The following PRKG1 variants were observed in gnomAD, a reference collection of about 807,000 sequenced individuals.
The protein encoded by PRKG1 is protein kinase cGMP-dependent 1, also known as cGMP-dependent protein kinase 1.
A neutral mutation model predicts 88.1 loss-of-function variants in PRKG1; 35 were observed. The observed-to-expected ratio is 0.40, with a 90% CI of 0.30 to 0.53. The LOEUF is 0.53. Among genes scored for constraint, PRKG1 ranks in the 20% least tolerant of loss-of-function variants. The pLI, the probability that PRKG1 is intolerant of heterozygous loss-of-function variation, is 0.59. For missense variants in PRKG1, 540 were observed against 839.8 expected (o/e 0.64, Z 4.41); for synonymous variants, 303 against 292.5 (o/e 1.04, Z -0.37).
chr10:51,929,702 G>A (rs1473165806), intron 5 of PRKG1, among the ~76,000 whole-genome samples: 2 of 152,084 alleles, frequency 1.3e-5, no homozygotes, highest in Non-Finnish European at 2.9e-5. Flanking sequence ...CTAAAGCTGT[G>A]TTTCTCAGGT....
At chr10:51,601,813 C>T (rs1017541932) in intron 3 of PRKG1, among the ~76,000 whole-genome samples, 4 of 113,736 alleles carry the variant, frequency 3.5e-5, no homozygotes, top group African/African-American at 6.7e-5. Flanking sequence ...TTTGGGTGAT[C>T]TAATCTGATC....
intron 17 of PRKG1, among the ~76,000 whole-genome samples, chr10:52,290,551 G>A (rs997838597): frequency 2.6e-5 from 4 of 152,056 alleles, no homozygotes; most frequent in African/African-American, 9.7e-5. Flanking sequence ...ATGAACATAA[G>A]TTAATTTTTA....
chr10:51,812,986 C>G (rs1428845049), intron 4 of PRKG1, among the ~76,000 whole-genome samples: 2 of 152,186 alleles, frequency 1.3e-5, no homozygotes, highest in Non-Finnish European at 2.9e-5. Context: ...TGCAAAACTT[C>G]TTGAAACACC....
intron 1 of PRKG1, among the ~76,000 whole-genome samples, chr10:51,053,770 T>A (rs1589125074): frequency 3.3e-5 from 2 of 60,644 alleles, no homozygotes; most frequent in South Asian, 5.9e-4. Flanking sequence ...TAGTTATGGG[T>A]TTTTTTTGTT....
rs758956714 is a variant in PRKG1, at chr10:52,266,414, C to G, written c.1174-4936C>G. Among the ~76,000 whole-genome samples, 3 of 152,014 alleles carry G rather than the reference C, an allele frequency of 2.0e-5. No individual in the cohort carries two copies. In the East Asian group the frequency reaches 5.9e-4, roughly 30 times the overall value. On this transcript the variant is annotated intron_variant, in intron 10 of 17. Transcript: ENST00000373980. Reference sequence around the variant, plus strand: ...GACCCCAGTGTGTGTTGTTCCTCCCCCTGTGTCCATGTGCTCACATTATTC... The same window carrying G: ...GACCCCAGTGTGTGTTGTTCCTCCCGCTGTGTCCATGTGCTCACATTATTC...
intron 4 of PRKG1, among the ~76,000 whole-genome samples, chr10:51,900,952 A>T (rs750865697): frequency 6.6e-6 from 1 of 152,170 alleles, no homozygotes; most frequent in East Asian, 1.9e-4. Flanking sequence ...AATTTAATAA[A>T]ATTAATAACT....
At chr10:52,274,264 C>A (rs1447062991) in intron 12 of PRKG1, among the ~76,000 whole-genome samples, 2 of 152,082 alleles carry the variant, frequency 1.3e-5, no homozygotes. Context: ...AGTCTTCTAT[C>A]CCTCACCCCC....
Position 51,174,210 on chromosome 10 carries a change from T to A in PRKG1, c.478+20880T>A, listed in dbSNP as rs1053139483. Among the ~76,000 whole-genome samples the A allele has an allele frequency of 4.1e-4, 63 of 151,930 alleles. 3 individuals carry two copies. Among genetic ancestry groups the A allele is most frequent in the Non-Finnish European group, 1.5e-5 (1 of 67,840 alleles). The stretch of plus-strand genomic sequence containing the variant: ...CTATAAGAATATATATTTTTTCAAT[T>A]AAGAAAAGAATAAGCCTTTGTTATT... On this transcript the variant is annotated intron_variant, in intron 2 of 17. Transcript: ENST00000373980.
intron 9 of PRKG1, among the ~76,000 whole-genome samples, chr10:52,239,232 T>G (rs1840780007): frequency 2.2e-5 from 3 of 134,886 alleles, no homozygotes; most frequent in South Asian, 2.6e-4. Context: ...GATGACAAGT[T>G]AGTGGGTGCA....
Position 51,017,104 on chromosome 10 carries a change from T to A in PRKG1, c.266+25460T>A, listed in dbSNP as rs985164909. 6.6e-5 allele frequency among the ~76,000 whole-genome samples: 10 copies of A among 151,994 alleles called. No individual in the cohort carries two copies. The East Asian group carries it at 1.7e-3, about 26-fold the overall frequency. On this transcript the variant is annotated intron_variant, in intron 1 of 17. Coordinates refer to the PRKG1 transcript ENST00000401604. ...TCCCCAGTCCCCAGCCAATCCCGACTAAATTATTCTTTCTGCTGTTTAGGA... is the reference window on the plus strand; with the variant it reads ...TCCCCAGTCCCCAGCCAATCCCGACAAAATTATTCTTTCTGCTGTTTAGGA...
chr10:52,084,840 A>T (rs1051587693), intron 7 of PRKG1, among the ~76,000 whole-genome samples: 1 of 151,982 alleles, frequency 6.6e-6, no homozygotes, highest in African/African-American at 2.4e-5. Context: ...CCAGTCCAGG[A>T]TCAAATATTA....
At chr10:52,205,170 G>A (rs750239150) in intron 9 of PRKG1, among the ~76,000 whole-genome samples, 25 of 152,122 alleles carry the variant, frequency 1.6e-4, no homozygotes, top group Admixed American at 4.6e-4. Flanking sequence ...CTGACAATGC[G>A]TGCACAGCAG....
chr10:51,112,378 C>T (rs957320800), intron 1 of PRKG1, among the ~76,000 whole-genome samples: 1 of 151,954 alleles, frequency 6.6e-6, no homozygotes, highest in East Asian at 1.9e-4. Context: ...TAGTATATGC[C>T]GCTTTTTCTA....
Position 51,957,855 on chromosome 10 carries a change from A to G in PRKG1, c.762+50285A>G, listed in dbSNP as rs146917151. On this transcript the variant is annotated intron_variant, in intron 5 of 17. Transcript: ENST00000373980. The stretch of plus-strand genomic sequence containing the variant: ...CATATAGTTGTTGTTACACATTTAT[A>G]TTTCCATTAGTCTGTAAGCTATCTG... Among the ~76,000 whole-genome samples, 155 of 152,286 alleles carry G rather than the reference A, an allele frequency of 1.0e-3. 1 individual carries two copies. The highest frequency in any genetic ancestry group is 3.6e-3 in the African/African-American group (148 of 41,568).
intron 3 of PRKG1, among the ~76,000 whole-genome samples, chr10:51,785,204 G>T (rs1370689685): frequency 6.6e-6 from 1 of 151,144 alleles, no homozygotes; most frequent in Admixed American, 6.6e-5. Flanking sequence ...TTGAGAATTG[G>T]TCAGTGGGAA....
intron 5 of PRKG1, among the ~76,000 whole-genome samples, chr10:51,957,774 A>T (rs920677369): frequency 2.0e-5 from 3 of 152,142 alleles, no homozygotes; most frequent in African/African-American, 7.2e-5. Flanking sequence ...AGTAAAAAAC[A>T]TTTCTTTTCA....
chr10:51,199,282 G>GTA (rs1837851697), intron 2 of PRKG1, among the ~76,000 whole-genome samples: 1 of 152,130 alleles, frequency 6.6e-6, no homozygotes, highest in Non-Finnish European at 1.5e-5. Flanking sequence ...CTGTGCATCT[G>GTA]TATGCATGAC....
chr10:51,436,393 C>T (rs1455089598), intron 2 of PRKG1, among the ~76,000 whole-genome samples: 1 of 151,868 alleles, frequency 6.6e-6, no homozygotes, highest in Admixed American at 6.6e-5. Flanking sequence ...ACTGATGCTG[C>T]AGTTTTTTCT....
chr10:51,393,070 C>CT (rs1296448634), intron 2 of PRKG1, among the ~76,000 whole-genome samples: 1 of 58,216 alleles, frequency 1.7e-5, no homozygotes, highest in Non-Finnish European at 3.8e-5. Flanking sequence ...GGCGGGGCGG[C>CT]TGCCGGGCGG....
Sources: allele counts gnomAD v4.1 joint callset (sites outside exome capture counted in the v4.1 genomes callset), GRCh38; gene constraint gnomAD v4.1.1; transcripts MANE v1.5; gene names NCBI Gene and HGNC (gene_info 2026-07-23, HGNC 2026-07-21).